HDAC9: variants seen among roughly 807,000 people sequenced by gnomAD.
HDAC9 encodes the protein histone deacetylase 9, also known as MEF-2 interacting transcription repressor (MITR) protein.
A neutral mutation model predicts 139.4 loss-of-function variants in HDAC9; 41 were observed. The ratio of observed to expected loss-of-function variants is 0.29; its 90% CI spans 0.23 to 0.38. The LOEUF is 0.38. Ranked by LOEUF, HDAC9 falls within the 10% of genes least tolerant of loss-of-function variation. HDAC9 has a pLI of 1.00. For synonymous variants in HDAC9, 517 were observed against 476.2 expected, an observed-to-expected ratio of 1.09 and a Z score of -1.12; for missense variants, 1,147 against 1,297.0, an observed-to-expected ratio of 0.88 and a Z score of 1.78.
At chr7:18,768,840 A>G (rs960993848) in intron 16 of HDAC9, among the ~76,000 whole-genome samples, 2 of 152,206 alleles carry the variant, frequency 1.3e-5, no homozygotes, top group Non-Finnish European at 2.9e-5. Flanking sequence ...TACATTCAGT[A>G]GAAACCATAC....
At chr7:18,135,393 C>G (rs1181610067) in intron 1 of HDAC9, among the ~76,000 whole-genome samples, 17 of 144,390 alleles carry the variant, frequency 1.2e-4, no homozygotes, top group African/African-American at 3.9e-4. Context: ...TGCTGGTGCG[C>G]TGCACCCACT....
At chr7:18,099,257 C>T (rs537688776) in intron 1 of HDAC9, among the ~76,000 whole-genome samples, 43 of 152,054 alleles carry the variant, frequency 2.8e-4, no homozygotes, top group African/African-American at 9.2e-4. Flanking sequence ...GTTGAGAGTT[C>T]GACACCAACC....
intron 2 of HDAC9, among the ~76,000 whole-genome samples, chr7:18,535,211 C>G (rs936566667): frequency 3.9e-5 from 6 of 152,040 alleles, no homozygotes; most frequent in African/African-American, 1.4e-4. Context: ...CATTTTAATT[C>G]TTTTACTGTC....
intron 22 of HDAC9, among the ~76,000 whole-genome samples, chr7:18,890,594 T>C (rs908246606): frequency 6.6e-6 from 1 of 152,230 alleles, no homozygotes; most frequent in Admixed American, 6.5e-5. Context: ...GATTTTCATA[T>C]GTGGGAAAGA....
intron 22 of HDAC9, among the ~76,000 whole-genome samples, chr7:18,895,688 A>T (rs1801129363): frequency 6.6e-6 from 1 of 152,128 alleles, no homozygotes; most frequent in Admixed American, 6.6e-5. Context: ...AGATTTAAAA[A>T]TAAAAAACAG....
chr7:18,920,807 C>T (rs546312876), intron 22 of HDAC9, among the ~76,000 whole-genome samples: 6 of 152,118 alleles, frequency 3.9e-5, no homozygotes, highest in East Asian at 1.9e-4. Flanking sequence ...TATTGATTTT[C>T]GTATGTTGAA....
intron 1 of HDAC9, among the ~76,000 whole-genome samples, chr7:18,367,951 A>G (rs1328487200): frequency 1.3e-5 from 2 of 151,978 alleles, no homozygotes; most frequent in African/African-American, 4.8e-5. Context: ...TATTGATTTG[A>G]TACTTATTCA....
chr7:18,510,321 G>A (rs1305263142), intron 2 of HDAC9, among the ~76,000 whole-genome samples: 1 of 152,148 alleles, frequency 6.6e-6, no homozygotes, highest in Non-Finnish European at 1.5e-5. Flanking sequence ...CATTCAAAAT[G>A]TGAAATGTGA....
chr7:18,170,267 A>G (rs1788324857), intron 2 of HDAC9, among the ~76,000 whole-genome samples: 1 of 152,182 alleles, frequency 6.6e-6, no homozygotes, highest in Non-Finnish European at 1.5e-5. Flanking sequence ...TCTTTTGAGA[A>G]GTGTCTGTTC....
At chr7:18,660,051 A>G (rs1362519505) in intron 11 of HDAC9, among the ~76,000 whole-genome samples, 2 of 152,300 alleles carry the variant, frequency 1.3e-5, no homozygotes, top group East Asian at 3.9e-4. Context: ...TAGAAAACAA[A>G]TTCCAAATAC....
At chr7:18,123,946 C>T (rs867936145) in intron 1 of HDAC9, among the ~76,000 whole-genome samples, 14 of 152,104 alleles carry the variant, frequency 9.2e-5, no homozygotes, top group Non-Finnish European at 1.5e-4. Flanking sequence ...ATAACAACCT[C>T]CTAAAGGAGA....
intron 1 of HDAC9, among the ~76,000 whole-genome samples, chr7:18,458,096 G>T (rs1161309322): frequency 6.6e-6 from 1 of 152,154 alleles, no homozygotes; most frequent in Non-Finnish European, 1.5e-5. Flanking sequence ...CAAAGAGTAG[G>T]TGCCTTTGTG....
chr7:18,702,190 G>A (rs936702445), intron 12 of HDAC9, among the ~76,000 whole-genome samples: 12 of 152,172 alleles, frequency 7.9e-5, no homozygotes, highest in African/African-American at 2.4e-4. Flanking sequence ...TTCTATGGTT[G>A]TTTGCTCCTC....
At chr7:18,105,626 C>G (rs1458366565) in intron 1 of HDAC9, among the ~76,000 whole-genome samples, 1 of 150,860 alleles carries the variant, frequency 6.6e-6, no homozygotes, top group Admixed American at 6.6e-5. Context: ...ATGTAGATTT[C>G]AAACTCTGGT....
At chr7:18,759,719 A>G (rs1328832059) in intron 14 of HDAC9, among the ~76,000 whole-genome samples, 1 of 152,160 alleles carries the variant, frequency 6.6e-6, no homozygotes, top group African/African-American at 2.4e-5. Context: ...CGCTGTTCTT[A>G]TGACTTACTA....
intron 22 of HDAC9, among the ~76,000 whole-genome samples, chr7:18,887,757 A>C (rs1223692870): frequency 6.6e-6 from 1 of 152,178 alleles, no homozygotes; most frequent in African/African-American, 2.4e-5. Context: ...ATTTCTAAAA[A>C]CATTTGAAAT....
intron 1 of HDAC9, among the ~76,000 whole-genome samples, chr7:18,448,542 A>G (rs1323384769): frequency 6.6e-6 from 1 of 152,162 alleles, no homozygotes; most frequent in Non-Finnish European, 1.5e-5. Flanking sequence ...TGCATAGGGA[A>G]GAGAGGGTAA....
chr7:18,404,420 T>C (rs916339025), intron 1 of HDAC9, among the ~76,000 whole-genome samples: 3 of 152,176 alleles, frequency 2.0e-5, no homozygotes, highest in Admixed American at 1.3e-4. Flanking sequence ...AGAATGAGAA[T>C]AGGTTGTATA....
Position 18,998,328 on chromosome 7 carries a change from C to T in HDAC9, c.*2266C>T, listed in dbSNP as rs1344781142. On this transcript the variant is annotated 3_prime_UTR_variant, in exon 26 of 26. Coordinates refer to ENST00000686413, the MANE Select transcript of HDAC9 (RefSeq NM_178425.4). Reference sequence around the variant, plus strand: ...GTTTAGCCACATGTTTATGCCAAGCCATTAATCTGATAAAGCCAAATCACT... The same window carrying T: ...GTTTAGCCACATGTTTATGCCAAGCTATTAATCTGATAAAGCCAAATCACT... The T allele has an allele frequency of 6.6e-6, 1 of 152,160 alleles. No homozygotes were observed. The highest frequency in any genetic ancestry group is 1.5e-5 in the Non-Finnish European group (1 of 68,020). 9.4% of individuals were successfully genotyped at this position (152,160 alleles called of 1,614,324 possible). A position where few individuals can be genotyped will look rare whatever the true frequency, so the allele number is the denominator to read the frequency against.
Sources: gnomAD v4.1 joint callset for allele counts (sites outside exome capture counted in the v4.1 genomes callset) on GRCh38, gnomAD v4.1.1 for gene constraint, MANE v1.5 for transcripts, NCBI Gene and HGNC (gene_info 2026-07-23, HGNC 2026-07-21) for gene names.